Variants in NPC1L1 observed in about 807,000 individuals in gnomAD.
NPC1L1 encodes NPC1-like intracellular cholesterol transporter 1.
In NPC1L1, 98 loss-of-function variants were observed where a neutral mutation model predicts 117.0. The ratio of observed to expected loss-of-function variants is 0.84; its 90% CI spans 0.71 to 0.99. NPC1L1 has a LOEUF of 0.99. NPC1L1 is among the 50% of genes least tolerant of loss of function. The pLI is 0.00. For missense variants in NPC1L1, 1,540 were observed against 1,710.0 expected, an observed-to-expected ratio of 0.90 and a Z score of 1.75; for synonymous variants, 729 against 727.6, an observed-to-expected ratio of 1.00 and a Z score of -0.03.
chr7:44,512,649 T>C lies in NPC1L1; in HGVS notation c.*798A>G, dbSNP rs184833326. ...TGTCCAAAAGCTCGGGTTGGGCTGGTTTGAGGCCTGGGATCCAGGCCCGAG... is the reference window on the plus strand; with the variant it reads ...TGTCCAAAAGCTCGGGTTGGGCTGGCTTGAGGCCTGGGATCCAGGCCCGAG... On this transcript the variant is annotated 3_prime_UTR_variant, in exon 19 of 19. Transcript: ENST00000381160. 6 of 152,638 alleles carry C rather than the reference T, an allele frequency of 3.9e-5. No individual in the cohort carries two copies. In the East Asian group the frequency reaches 9.7e-4, roughly 25 times the overall value. The allele number at this position is 152,638 out of a possible 1,614,324, so 9.5% of individuals were successfully genotyped here.
chr7:44,540,699 T>C (rs1802073732), intron 1 of NPC1L1, among the ~76,000 whole-genome samples: 2 of 151,954 alleles, frequency 1.3e-5, no homozygotes, highest in Admixed American at 1.3e-4. Flanking sequence ...GGGTCTCTCA[T>C]GGAGAGTCTG....
chr7:44,519,019 C>G (rs549078457), intron 14 of NPC1L1, among the ~76,000 whole-genome samples: 132 of 148,810 alleles, frequency 8.9e-4, no homozygotes, highest in Non-Finnish European at 1.6e-3. Flanking sequence ...CTCTCTTTCT[C>G]CCTTTCTTTC....
At chr7:44,528,062 T>C (rs1191258670) in intron 10 of NPC1L1, among the ~76,000 whole-genome samples, 1 of 152,078 alleles carries the variant, frequency 6.6e-6, no homozygotes, top group African/African-American at 2.4e-5. Flanking sequence ...TGGCCTCAAG[T>C]GATCCAACCA....
rs757828392 is a variant in NPC1L1 at position 44,534,467 on chromosome 7, T to C, written c.2146A>G (p.Ile716Val). Residue 716 changes from isoleucine to valine, a missense_variant, in exon 6 of 19, where the codon ATC becomes GTC. By Grantham distance (29) the Ile-to-Val change is conservative. This residue lies in a region of NPC1L1 where 742 missense variants were observed against 873.6 expected (regional missense o/e 0.85). Transcript: ENST00000381160. This position sits in a 1 kb window ranked among gnomAD's most constrained non-coding sequence, Gnocchi z 5.2. The part of the protein sequence containing the change: ...VLSVGADNIF[I>V]FVLEYQRLPR... ...CTTACCTGGTACTCGAGAACAAAGA[T>C]GAAGATGTTATCAGCCCCCACGGAC... 1.9e-5 allele frequency: 31 copies of C among 1,613,824 alleles called. No individual in the cohort carries two copies. In the Admixed American group the frequency reaches 2.2e-4, roughly 11 times the overall value.
At chr7:44,531,713 C>A in intron 10 of NPC1L1, 42 bp downstream of exon 10, 1 of 1,537,134 alleles carries the variant, frequency 6.5e-7, no homozygotes, top group South Asian at 1.2e-5. Flanking sequence ...TGCCCCTCCC[C>A]AAATCCCAGG....
rs185127546 is a variant in NPC1L1, at chr7:44,535,714, G to A, written c.1983+126C>T. The A allele has an allele frequency of 3.2e-4, 418 of 1,311,544 alleles. 2 individuals are homozygous for A. Among genetic ancestry groups the A allele is most frequent in the Middle Eastern group, 3.0e-3 (12 of 3,954 alleles). The allele number at this position is 1,311,544 out of a possible 1,614,324, so 81.2% of individuals were successfully genotyped here. The stretch of plus-strand genomic sequence containing the variant: ...CTTGCAAGAGGTATTACCCTTTGGG[G>A]CAGCCACTTGGGTGTGTCCACTTTG... On this transcript the variant is annotated intron_variant, in intron 5 of 18. Coordinates refer to ENST00000381160, the MANE Select transcript of NPC1L1 (RefSeq NM_001101648.2).
chr7:44,528,087 G>A (rs1048657557), intron 10 of NPC1L1, among the ~76,000 whole-genome samples: 6 of 152,028 alleles, frequency 3.9e-5, no homozygotes, highest in African/African-American at 1.2e-4. Context: ...ACAAAGTGCT[G>A]GGATTGCAGC....
intron 10 of NPC1L1, among the ~76,000 whole-genome samples, chr7:44,524,830 G>C (rs934621940): frequency 6.6e-6 from 1 of 151,892 alleles, no homozygotes; most frequent in African/African-American, 2.4e-5. Flanking sequence ...CAAAGTCAAG[G>C]AAAAATTTAT....
chr7:44,513,018 G>C lies in NPC1L1; in HGVS notation c.*429C>G, dbSNP rs529865309. ...CTCCTGTGATATCACACCCAGGGTA[G>C]TGGTCATTGTCTGTGTTCTCAGGGA... On this transcript the variant is annotated 3_prime_UTR_variant, in exon 19 of 19. Transcript: ENST00000381160. The C allele has an allele frequency of 7.2e-4, 194 of 267,622 alleles. 2 individuals are homozygous for C. Among genetic ancestry groups the C allele is most frequent in the South Asian group, 5.2e-3 (121 of 23,412 alleles). 16.6% of individuals were successfully genotyped at this position (267,622 alleles called of 1,614,324 possible). A position where few individuals can be genotyped will look rare whatever the true frequency, so the allele number is the denominator to read the frequency against.
chr7:44,531,603 C>T (rs1190237249), intron 10 of NPC1L1, 152 bp downstream of exon 10: 1 of 675,556 alleles, frequency 1.5e-6, no homozygotes, highest in Non-Finnish European at 2.6e-6. Context: ...GCTTCACTCC[C>T]CAGGACTGCT....
At position 44,523,640 on chromosome 7, in the gene NPC1L1, G is replaced by T. The variant is rs1801425771; in HGVS notation, c.2638-1398C>A. On this transcript the variant is annotated intron_variant, in intron 10 of 18. Coordinates refer to ENST00000381160, the MANE Select transcript of NPC1L1 (RefSeq NM_001101648.2). ...CAGAACTTTGGGAGGGCAAGCAGGA[G>T]GGTCACTTGAGCCCAAGAGTGGGAG... is the stretch of plus-strand genomic sequence containing the variant. 2.0e-5 allele frequency among the ~76,000 whole-genome samples: 3 copies of T among 152,136 alleles called. No homozygotes were observed. In the South Asian group the frequency reaches 6.2e-4, roughly 32 times the overall value.
Position 44,513,304 on chromosome 7 carries a change from G to T in NPC1L1, c.*143C>A. 1 of 791,720 alleles carries T rather than the reference G, an allele frequency of 1.3e-6. No individual in the cohort carries two copies. Among genetic ancestry groups the T allele is most frequent in the Non-Finnish European group, 2.1e-6 (1 of 466,274 alleles). 49.0% of individuals were successfully genotyped at this position (791,720 alleles called of 1,614,324 possible). ...TGCTGCCTGGATACCTCAAGAGCAG[G>T]CCATCCTCCAGTGACAGGCAGTCTC... is the stretch of plus-strand genomic sequence containing the variant. On this transcript the variant is annotated 3_prime_UTR_variant, in exon 19 of 19. Transcript: ENST00000381160.
intron 16 of NPC1L1, 44 bp downstream of exon 16, chr7:44,516,659 C>A (rs1216806716): frequency 4.7e-6 from 7 of 1,486,202 alleles, no homozygotes; most frequent in Non-Finnish European, 6.5e-6. Context: ...GGATCCCCAA[C>A]CACCCCTCCA....
chr7:44,526,821 C>T (rs539454486), intron 10 of NPC1L1, among the ~76,000 whole-genome samples: 3 of 151,916 alleles, frequency 2.0e-5, no homozygotes, highest in Admixed American at 6.6e-5. Context: ...GTCAGGAGTT[C>T]ATGACCAGCC....
In NPC1L1 at chr7:44,536,936, C is replaced by T. The variant is rs368457791; in HGVS notation, c.1587G>A (p.Pro529=). The change falls in exon 3 of 19, where the codon CCG becomes CCA. Residue 529 remains proline, a synonymous_variant. Coordinates refer to ENST00000381160, the MANE Select transcript of NPC1L1 (RefSeq NM_001101648.2). The surrounding 1 kb of genome is among the most constrained non-coding windows in gnomAD (Gnocchi z 4.7). ...GGGCTGTGCCATCCTTGAAGGTGAG[C>T]GGGGCACTAGAGGGAGATGACCGCA... ...KDHFLYCANA[P]LTFKDGTALA... is the part of the protein sequence containing the mutation. 1.3e-5 allele frequency: 21 copies of T among 1,613,584 alleles called. No individual in the cohort carries two copies. The highest frequency in any genetic ancestry group is 8.9e-5 in the East Asian group (4 of 44,876).
rs1331743286 is a variant in NPC1L1, at chr7:44,538,845, A to C, written c.1552T>G (p.Trp518Gly). ...GCACAGTACAGAAAATGGTCCTTCC[A>C]GTCGACTTGGGAGGTCTGCCCCATC... The part of the protein sequence containing the change: ...TLMGQTSQVD[W>G]KDHFLYCANA... Residue 518 changes from tryptophan (W) to glycine (G), a missense_variant, in exon 2 of 19, where the codon TGG becomes GGG. Coordinates refer to ENST00000381160, the MANE Select transcript of NPC1L1 (RefSeq NM_001101648.2). This position sits in a 1 kb window ranked among gnomAD's most constrained non-coding sequence, Gnocchi z 5.9. The C allele has an allele frequency of 6.2e-7, 1 of 1,614,208 alleles. No individual in the cohort carries two copies. The highest frequency in any genetic ancestry group is 8.5e-7 in the Non-Finnish European group (1 of 1,180,032).
At chr7:44,532,287 C>T in intron 8 of NPC1L1, 70 bp from the exon 9 acceptor site, 4 of 1,599,090 alleles carry the variant, frequency 2.5e-6, no homozygotes, top group Non-Finnish European at 3.4e-6. Context: ...CTTCTTGCCC[C>T]CAGGGAGTGT....
chr7:44,536,768 C>G lies in NPC1L1; in HGVS notation c.1681+74G>C. On this transcript the variant is annotated intron_variant, in intron 3 of 18. Coordinates refer to ENST00000381160, the MANE Select transcript of NPC1L1 (RefSeq NM_001101648.2). This position sits in a 1 kb window ranked among gnomAD's most constrained non-coding sequence, Gnocchi z 4.7. ...GCCGCGAGAATCCCCAGCACCACTC[C>G]CACCCTCCCGTCTATGGTTCCTGCC... 7.3e-7 allele frequency: 1 copy of G among 1,362,476 alleles called. No homozygotes were observed. The highest frequency in any genetic ancestry group is 1.7e-5 in the Admixed American group (1 of 58,098). The allele number at this position is 1,362,476 out of a possible 1,614,324, so 84.4% of individuals were successfully genotyped here.
At chr7:44,529,546 CTT>C (rs1371881069) in intron 10 of NPC1L1, among the ~76,000 whole-genome samples, 1 of 151,466 alleles carries the variant, frequency 6.6e-6, no homozygotes, top group Non-Finnish European at 1.5e-5. Context: ...GCCCAGTTAA[CTT>C]TGTATTTTTA....
Sources: gnomAD v4.1 joint callset for allele counts (sites outside exome capture counted in the v4.1 genomes callset) on GRCh38, gnomAD v4.1.1 for gene constraint, gnomAD v4.1.1 regional missense constraint, Gnocchi (gnomAD v3.1) non-coding constraint, MANE v1.5 for transcripts, NCBI Gene and HGNC (gene_info 2026-07-23, HGNC 2026-07-21) for gene names.